KDSR: variants seen among roughly 807,000 people sequenced by gnomAD.
KDSR encodes 3-ketodihydrosphingosine reductase.
A neutral mutation model predicts 41.3 loss-of-function variants in KDSR; 23 were observed. The ratio of observed to expected loss-of-function variants is 0.56; its 90% CI spans 0.40 to 0.79. The LOEUF is 0.79. Ranked by LOEUF, KDSR falls within the 30% of genes least tolerant of loss-of-function variation. KDSR has a pLI of 0.00. For missense variants in KDSR, 351 were observed against 416.8 expected, an observed-to-expected ratio of 0.84 and a Z score of 1.37; for synonymous variants, 138 against 151.7, an observed-to-expected ratio of 0.91 and a Z score of 0.66.
chr18:63,331,821 C>T lies in KDSR; in HGVS notation c.960G>A (p.Met320Ile), dbSNP rs1914011205. 6.2e-7 allele frequency: 1 copy of T among 1,613,964 alleles called. No homozygotes were observed. Among genetic ancestry groups the T allele is most frequent in the South Asian group, 1.1e-5 (1 of 91,018 alleles). The change falls in exon 10 of 10, where the codon ATG becomes ATA. Residue 320 changes from methionine (M) to isoleucine (I), a missense_variant. Transcript: ENST00000645214. Reference protein sequence around the residue: ...SFDSIVRRCMMQREKSENADK... With the variant: ...SFDSIVRRCMIQREKSENADK... ...CTGCATTTTCAGATTTTTCTCTCTG[C>T]ATCATGCAGCGACGAACTATGCTGT...
Position 63,328,099 on chromosome 18 carries a change from T to C in KDSR, c.*3683A>G, listed in dbSNP as rs1352159765. On this transcript the variant is annotated 3_prime_UTR_variant, in exon 10 of 10. Coordinates refer to ENST00000645214, the MANE Select transcript of KDSR (RefSeq NM_002035.4). ...ATACAAAGCATCTTATGTCAAAGAG[T>C]ATGAATATTTAAAAGTGGCCTCAAG... 1.0e-5 allele frequency: 2 copies of C among 190,574 alleles called. No homozygotes were observed. Among genetic ancestry groups the C allele is most frequent in the Non-Finnish European group, 2.2e-5 (2 of 91,066 alleles). 11.8% of individuals were successfully genotyped at this position (190,574 alleles called of 1,614,324 possible). A position where few individuals can be genotyped will look rare whatever the true frequency, so the allele number is the denominator to read the frequency against.
chr18:63,346,403 G>A (rs956744466), intron 6 of KDSR: 2 of 152,226 alleles, frequency 1.3e-5, no homozygotes, highest in Admixed American at 1.3e-4. Flanking sequence ...AAAATCCAAC[G>A]AGTGGTCATT....
At chr18:63,357,307 A>G (rs1052213431) in intron 3 of KDSR, among the ~76,000 whole-genome samples, 6 of 152,144 alleles carry the variant, frequency 3.9e-5, no homozygotes, top group African/African-American at 1.2e-4. Context: ...ATTTCTGGGT[A>G]TGTACCATTC....
intron 7 of KDSR, among the ~76,000 whole-genome samples, chr18:63,343,581 GTTTTGTTATGTTGCCCAGGC>G (rs1914410534): frequency 6.6e-6 from 1 of 151,592 alleles, no homozygotes; most frequent in Non-Finnish European, 1.5e-5. Flanking sequence ...TAGAGACAGG[GTTTTGTTATGTTGCCCAGGC>G]TGGTCTTGAA....
At chr18:63,347,901 C>T (rs1914558517) in intron 6 of KDSR, among the ~76,000 whole-genome samples, 1 of 151,948 alleles carries the variant, frequency 6.6e-6, no homozygotes, top group African/African-American at 2.4e-5. Flanking sequence ...CTCATAGTAC[C>T]CTTAACAATG....
At position 63,329,804 on chromosome 18, in the gene KDSR, G is replaced by A. The variant is rs774146449; in HGVS notation, c.*1978C>T. On this transcript the variant is annotated 3_prime_UTR_variant, in exon 10 of 10. Coordinates refer to ENST00000645214, the MANE Select transcript of KDSR (RefSeq NM_002035.4). ...TCAGCAGTAGAAGGTGCCAACATTC[G>A]AGGAACATTTATGAGAAAAGAATAA... The A allele has an allele frequency of 4.6e-5, 9 of 194,480 alleles. No homozygotes were observed. Among genetic ancestry groups the A allele is most frequent in the African/African-American group, 9.3e-5 (4 of 43,134 alleles). 12.0% of individuals were successfully genotyped at this position (194,480 alleles called of 1,614,324 possible).
At position 63,327,809 on chromosome 18, in the gene KDSR, T is replaced by G. The variant is rs1250298310; in HGVS notation, c.*3973A>C. 1.0e-5 allele frequency: 2 copies of G among 191,246 alleles called. No homozygotes were observed. The highest frequency in any genetic ancestry group is 4.6e-5 in the African/African-American group (2 of 43,118). The allele number at this position is 191,246 out of a possible 1,614,324, so 11.8% of individuals were successfully genotyped here. Reference sequence around the variant, plus strand: ...AGGTATGAAAATTAGATTACAATTCTGCCACAAAAGCTTCTAAAGTAGCAA... The same window carrying G: ...AGGTATGAAAATTAGATTACAATTCGGCCACAAAAGCTTCTAAAGTAGCAA... On this transcript the variant is annotated 3_prime_UTR_variant, in exon 10 of 10. Transcript: ENST00000645214.
intron 3 of KDSR, among the ~76,000 whole-genome samples, chr18:63,357,966 G>T: frequency 6.6e-6 from 1 of 151,880 alleles, no homozygotes; most frequent in East Asian, 1.9e-4. Flanking sequence ...TCACGAGGTT[G>T]GGAGTTCGAG....
intron 2 of KDSR, 110 bp from the exon 3 acceptor site, chr18:63,359,902 G>T: frequency 1.3e-6 from 1 of 757,676 alleles, no homozygotes; most frequent in East Asian, 2.5e-5. Flanking sequence ...TTAAATTCCA[G>T]AAAACACACA....
chr18:63,331,929 G>C (rs1243301351), intron 9 of KDSR, 28 bp from the exon 10 acceptor site: 1 of 1,610,202 alleles, frequency 6.2e-7, no homozygotes, highest in East Asian at 2.2e-5. Flanking sequence ...AGCTTTTAGT[G>C]CATCCAACGG....
chr18:63,355,369 G>A, intron 4 of KDSR, 70 bp from the exon 5 acceptor site: 1 of 1,603,866 alleles, frequency 6.2e-7, no homozygotes, highest in Non-Finnish European at 8.5e-7. Flanking sequence ...AATCCATGCT[G>A]ATAAATAAAA....
At chr18:63,344,130 T>G (rs1023170006) in intron 7 of KDSR, among the ~76,000 whole-genome samples, 3 of 152,188 alleles carry the variant, frequency 2.0e-5, no homozygotes, top group African/African-American at 7.2e-5. Context: ...TTAGCCACGA[T>G]TGTACCACTG....
chr18:63,349,971 T>C (rs1467045122), intron 6 of KDSR, among the ~76,000 whole-genome samples: 1 of 152,152 alleles, frequency 6.6e-6, no homozygotes, highest in African/African-American at 2.4e-5. Context: ...CTGATCTAAA[T>C]CATCAACCAG....
rs554631645 is a variant in KDSR at position 63,353,762 on chromosome 18, G to A, written c.417+1442C>T. ...GCACATATCATGATTCCAATCATAC[G>A]AAATGACCAGAGACAGAATACAGAT... On this transcript the variant is annotated intron_variant, in intron 5 of 9. Coordinates refer to ENST00000645214, the MANE Select transcript of KDSR (RefSeq NM_002035.4). Among the ~76,000 whole-genome samples the A allele has an allele frequency of 7.9e-5, 12 of 152,240 alleles. No homozygotes were observed. The East Asian group carries it at 1.7e-3, about 22-fold the overall frequency.
At chr18:63,359,919 T>C in intron 2 of KDSR, 127 bp from the exon 3 acceptor site, 1 of 700,422 alleles carries the variant, frequency 1.4e-6, no homozygotes. Context: ...CACAAAACAG[T>C]ATCTACATTG....
chr18:63,357,867 G>A (rs888828877), intron 3 of KDSR, among the ~76,000 whole-genome samples: 14 of 151,928 alleles, frequency 9.2e-5, no homozygotes, highest in South Asian at 2.1e-4. Context: ...ATGAGCCACC[G>A]CACCTGGCCT....
At chr18:63,332,881 T>C (rs954721535) in intron 9 of KDSR, among the ~76,000 whole-genome samples, 1 of 151,308 alleles carries the variant, frequency 6.6e-6, no homozygotes, top group African/African-American at 2.4e-5. Flanking sequence ...TTTGTTTTTT[T>C]CCCTACACCC....
At chr18:63,353,924 C>A (rs1015117889) in intron 5 of KDSR, among the ~76,000 whole-genome samples, 1 of 152,074 alleles carries the variant, frequency 6.6e-6, no homozygotes, top group Admixed American at 6.6e-5. Flanking sequence ...TGTGAATATG[C>A]TGAATCCCTC....
intron 1 of KDSR, 101 bp downstream of exon 1, chr18:63,366,910 G>T: frequency 1.8e-6 from 1 of 556,304 alleles, no homozygotes; most frequent in East Asian, 3.3e-5. Flanking sequence ...TGCCTTCCTG[G>T]GGACCGCGGC....
Sources: allele counts gnomAD v4.1 joint callset (sites outside exome capture counted in the v4.1 genomes callset), GRCh38; gene constraint gnomAD v4.1.1; transcripts MANE v1.5; gene names NCBI Gene and HGNC (gene_info 2026-07-23, HGNC 2026-07-21).